The following RYR2 variants were observed in gnomAD, a reference collection of about 807,000 sequenced individuals.
RYR2 encodes the protein ryanodine receptor 2, also known as cardiac muscle ryanodine receptor-calcium release channel.
In RYR2, 227 loss-of-function variants were observed where a neutral mutation model predicts 601.1. That is an observed-to-expected ratio of 0.38 (90% CI 0.34 to 0.42). RYR2 has a LOEUF of 0.42. Among genes scored for constraint, RYR2 ranks in the 10% least tolerant of loss-of-function variants. The pLI, the probability that RYR2 is intolerant of heterozygous loss-of-function variation, is 1.00. For missense variants in RYR2, 4,646 were observed against 6,156.5 expected, an observed-to-expected ratio of 0.75 and a Z score of 8.21; for synonymous variants, 2,223 against 2,175.1, an observed-to-expected ratio of 1.02 and a Z score of -0.61.
chr1:237,673,384 TC>T (rs1477513598), intron 58 of RYR2, among the ~76,000 whole-genome samples: 1 of 152,172 alleles, frequency 6.6e-6, no homozygotes, highest in African/African-American at 2.4e-5. Flanking sequence ...GAAAGGTTTT[TC>T]TCCCTATTAG....
chr1:237,582,340 C>A (rs1013341599), intron 29 of RYR2, among the ~76,000 whole-genome samples: 1 of 151,158 alleles, frequency 6.6e-6, no homozygotes, highest in Non-Finnish European at 1.5e-5. Context: ...AAACTCCTAA[C>A]CTCAGATGAT....
In RYR2 at chr1:237,471,417, A is replaced by G. The variant is rs555534128; in HGVS notation, c.1708+2230A>G. ...TAAATAATTTCTCCTTAACTCCTGTATCAGTAACAAGATGGTGGCATAGAT... is the reference window on the plus strand; with the variant it reads ...TAAATAATTTCTCCTTAACTCCTGTGTCAGTAACAAGATGGTGGCATAGAT... On this transcript the variant is annotated intron_variant, in intron 17 of 104. Transcript: ENST00000366574. Among the ~76,000 whole-genome samples, 66 of 152,356 alleles carry G rather than the reference A, an allele frequency of 4.3e-4. 2 individuals carry two copies. The Middle Eastern group carries it at 0.014, about 31-fold the overall frequency.
chr1:237,427,917 C>T (rs551767094), intron 12 of RYR2, among the ~76,000 whole-genome samples: 7 of 149,732 alleles, frequency 4.7e-5, no homozygotes, highest in South Asian at 2.1e-4. Flanking sequence ...AGATAGTATT[C>T]GTAAAACAAT....
chr1:237,057,931 C>T (rs1170484230), intron 1 of RYR2, among the ~76,000 whole-genome samples: 1 of 152,176 alleles, frequency 6.6e-6, no homozygotes, highest in Non-Finnish European at 1.5e-5. Context: ...TGCATCATTT[C>T]ATTTTCTGCT....
chr1:237,306,772 G>T (rs10925365), intron 2 of RYR2, among the ~76,000 whole-genome samples: 69,233 of 151,906 alleles, frequency 0.46, 18,426 homozygotes, highest in East Asian at 0.59. Flanking sequence ...TCGTCTGCTG[G>T]TTTCATCTTG....
chr1:237,433,581 C>T (rs1380848025), intron 12 of RYR2, among the ~76,000 whole-genome samples: 29 of 152,082 alleles, frequency 1.9e-4, no homozygotes, highest in Admixed American at 1.9e-3. Flanking sequence ...CACTTAATCC[C>T]TTTGTTAGTC....
intron 1 of RYR2, among the ~76,000 whole-genome samples, chr1:237,111,215 T>C (rs1326327414): frequency 6.6e-6 from 1 of 152,220 alleles, no homozygotes; most frequent in African/African-American, 2.4e-5. Context: ...GTTGGAGTAT[T>C]TGTACCATTG....
chr1:237,623,258 G>A (rs1261285592), intron 38 of RYR2, among the ~76,000 whole-genome samples: 5 of 151,950 alleles, frequency 3.3e-5, no homozygotes, highest in Admixed American at 2.0e-4. Context: ...TTTATTCTGC[G>A]GTACTGGTTG....
At chr1:237,423,796 A>G (rs569363096) in intron 12 of RYR2, among the ~76,000 whole-genome samples, 11 of 152,306 alleles carry the variant, frequency 7.2e-5, no homozygotes, top group Non-Finnish European at 1.6e-4. Context: ...CTATTGAATC[A>G]TTTTTATGAT....
At chr1:237,793,743 A>G (rs1658739602) in intron 94 of RYR2, 124 bp from the exon 95 acceptor site, 1 of 747,584 alleles carries the variant, frequency 1.3e-6, no homozygotes, top group Non-Finnish European at 2.2e-6. Flanking sequence ...TTTTCATTCC[A>G]TTTTTACCTT....
intron 11 of RYR2, 66 bp from the exon 12 acceptor site, chr1:237,423,025 TG>T (rs1254008194): frequency 2.8e-5 from 43 of 1,532,080 alleles, no homozygotes; most frequent in Non-Finnish European, 8.8e-6. Context: ...GTCCGACATA[TG>T]TTTTAATAGC....
In RYR2 at chr1:237,717,259, A is replaced by G; in HGVS notation, c.10385A>G (p.Gln3462Arg). 6.2e-7 allele frequency: 1 copy of G among 1,613,802 alleles called. No homozygotes were observed. Among genetic ancestry groups the G allele is most frequent in the Non-Finnish European group, 8.5e-7 (1 of 1,179,756 alleles). The change falls in exon 72 of 105, where the codon CAG (glutamine) becomes CGG (arginine). Residue 3462 changes from glutamine (Q) to arginine (R), a missense_variant. Gln to Arg is a conservative substitution (Grantham distance 43). Transcript: ENST00000366574. ...CGCAAAGGAGATCGGTATTCCATGC[A>G]GACCTCTCTGATTGTAGCAGCTCTG... ...MKRKGDRYSMQTSLIVAALKR... is the reference protein window; with the variant it reads ...MKRKGDRYSMRTSLIVAALKR...
At chr1:237,665,920 G>A (rs1309235398) in intron 56 of RYR2, among the ~76,000 whole-genome samples, 1 of 152,124 alleles carries the variant, frequency 6.6e-6, no homozygotes, top group African/African-American at 2.4e-5. Context: ...ACATGCCATT[G>A]GGTGGAAGGA....
chr1:237,311,453 T>C (rs748401694), intron 2 of RYR2, among the ~76,000 whole-genome samples: 13 of 151,968 alleles, frequency 8.6e-5, no homozygotes, highest in Non-Finnish European at 1.6e-4. Flanking sequence ...TTGAGTATGA[T>C]ATGACATGCA....
chr1:237,764,255 C>T (rs1693660221), intron 84 of RYR2, among the ~76,000 whole-genome samples: 1 of 152,184 alleles, frequency 6.6e-6, no homozygotes, highest in African/African-American at 2.4e-5. Flanking sequence ...TCCAAGGTCA[C>T]ACAGCTAAGC....
intron 1 of RYR2, among the ~76,000 whole-genome samples, chr1:237,140,125 C>T (rs1238458284): frequency 3.3e-5 from 5 of 152,192 alleles, no homozygotes; most frequent in Admixed American, 6.5e-5. Flanking sequence ...CCTGAAGCAC[C>T]GTTGCAGAAC....
intron 16 of RYR2, among the ~76,000 whole-genome samples, chr1:237,468,443 C>T (rs1026164645): frequency 6.6e-6 from 1 of 152,068 alleles, no homozygotes; most frequent in African/African-American, 2.4e-5. Flanking sequence ...GTGTAGAAAA[C>T]AGTAGTCTAA....
intron 5 of RYR2, 34 bp downstream of exon 5, chr1:237,364,406 T>C: frequency 1.8e-5 from 21 of 1,170,692 alleles, no homozygotes; most frequent in Non-Finnish European, 2.6e-5. Context: ...TATGTATATA[T>C]ATAGCAGATA....
intron 20 of RYR2, among the ~76,000 whole-genome samples, chr1:237,498,778 C>CA (rs796473791): frequency 7.3e-5 from 11 of 151,196 alleles, no homozygotes; most frequent in East Asian, 5.8e-4. Flanking sequence ...ATAAGAACAA[C>CA]AAAAAAAAAT....
Sources: gnomAD v4.1 joint callset for allele counts (sites outside exome capture counted in the v4.1 genomes callset) on GRCh38, gnomAD v4.1.1 for gene constraint, MANE v1.5 for transcripts, NCBI Gene and HGNC (gene_info 2026-07-23, HGNC 2026-07-21) for gene names.